MACROD2: variants seen among roughly 807,000 people sequenced by gnomAD.
The protein encoded by MACROD2 is ADP-ribose glycohydrolase MACROD2.
Under a neutral mutation model 70.4 loss-of-function variants are expected in MACROD2, and 36 were observed. That is an observed-to-expected ratio of 0.51 (90% CI 0.39 to 0.68). The LOEUF is 0.68. MACROD2 is among the 30% of genes least tolerant of loss of function. MACROD2 has a pLI of 0.00. For synonymous variants in MACROD2, 172 were observed against 178.8 expected (o/e 0.96, Z 0.30); for missense variants, 496 against 538.4 (o/e 0.92, Z 0.78).
chr20:15,447,670 G>A (rs899844555), intron 7 of MACROD2, among the ~76,000 whole-genome samples: 1 of 152,116 alleles, frequency 6.6e-6, no homozygotes, highest in African/African-American at 2.4e-5. Flanking sequence ...AACTGACCTT[G>A]ACCTTTTCTA....
At chr20:14,872,742 GTT>G (rs2073503118) in intron 5 of MACROD2, among the ~76,000 whole-genome samples, 1 of 152,082 alleles carries the variant, frequency 6.6e-6, no homozygotes, top group South Asian at 2.1e-4. Context: ...AAGTGACTTA[GTT>G]TGTTTTCACA....
chr20:14,690,158 C>A (rs543919762), intron 5 of MACROD2, among the ~76,000 whole-genome samples: 3 of 152,066 alleles, frequency 2.0e-5, no homozygotes, highest in African/African-American at 7.2e-5. Flanking sequence ...TATTTTATTT[C>A]TTTAGAATGC....
chr20:15,014,633 A>G (rs1467021205), intron 5 of MACROD2, among the ~76,000 whole-genome samples: 2 of 152,108 alleles, frequency 1.3e-5, no homozygotes, highest in Non-Finnish European at 2.9e-5. Flanking sequence ...TTCTGTACTG[A>G]ATCGCTAAAA....
intron 2 of MACROD2, among the ~76,000 whole-genome samples, chr20:14,069,529 C>A (rs2053811570): frequency 6.6e-6 from 1 of 151,170 alleles, no homozygotes; most frequent in Non-Finnish European, 1.5e-5. Context: ...TAGATTTCTG[C>A]AGTAGAGAAA....
At chr20:15,721,076 C>T (rs2050781041) in intron 8 of MACROD2, among the ~76,000 whole-genome samples, 1 of 152,076 alleles carries the variant, frequency 6.6e-6, no homozygotes, top group Admixed American at 6.6e-5. Flanking sequence ...AAACTTTTGG[C>T]TAATCTATGT....
intron 12 of MACROD2, among the ~76,000 whole-genome samples, chr20:15,960,805 C>G (rs1488074211): frequency 6.6e-6 from 1 of 152,128 alleles, no homozygotes; most frequent in Non-Finnish European, 1.5e-5. Context: ...TGTACTGGCA[C>G]CATCGGCTCC....
intron 7 of MACROD2, among the ~76,000 whole-genome samples, chr20:15,491,912 GC>G (rs1190393345): frequency 6.6e-6 from 1 of 152,228 alleles, no homozygotes; most frequent in African/African-American, 2.4e-5. Context: ...TTATGAATAT[GC>G]CATGTTATGT....
chr20:15,409,968 A>G (rs1476488689), intron 6 of MACROD2, among the ~76,000 whole-genome samples: 1 of 152,226 alleles, frequency 6.6e-6, no homozygotes, highest in South Asian at 2.1e-4. Flanking sequence ...AACCTGGGAT[A>G]TTAAACTGGC....
intron 3 of MACROD2, among the ~76,000 whole-genome samples, chr20:14,145,604 A>G (rs2054934121): frequency 6.6e-6 from 1 of 152,230 alleles, no homozygotes; most frequent in African/African-American, 2.4e-5. Context: ...CTTTAATAGC[A>G]TGAATCTCCA....
chr20:14,983,378 T>G (rs2074819326), intron 5 of MACROD2, among the ~76,000 whole-genome samples: 1 of 150,834 alleles, frequency 6.6e-6, no homozygotes, highest in African/African-American at 2.4e-5. Flanking sequence ...TTTTGAAATG[T>G]GAGGACATGA....
intron 5 of MACROD2, among the ~76,000 whole-genome samples, chr20:14,756,760 G>A (rs2071945798): frequency 6.6e-6 from 1 of 152,040 alleles, no homozygotes; most frequent in Non-Finnish European, 1.5e-5. Context: ...ATATGCTTTG[G>A]CTCTGTGTCC....
chr20:14,177,390 C>T (rs2081271543), intron 3 of MACROD2, among the ~76,000 whole-genome samples: 1 of 149,312 alleles, frequency 6.7e-6, no homozygotes, highest in African/African-American at 2.5e-5. Flanking sequence ...TATCTCGGCT[C>T]ACTGCTACCT....
At chr20:15,551,433 A>G (rs924415306) in intron 8 of MACROD2, among the ~76,000 whole-genome samples, 9 of 151,130 alleles carry the variant, frequency 6.0e-5, no homozygotes, top group African/African-American at 2.2e-4. Context: ...TTATTATTTT[A>G]CCATAACTTT....
chr20:15,041,478 C>T (rs1289797550), intron 5 of MACROD2, among the ~76,000 whole-genome samples: 1 of 152,070 alleles, frequency 6.6e-6, no homozygotes, highest in Non-Finnish European at 1.5e-5. Flanking sequence ...CAGGGTCTCA[C>T]TCTGTCACCC....
intron 5 of MACROD2, among the ~76,000 whole-genome samples, chr20:15,218,970 C>T (rs1357666572): frequency 2.0e-5 from 3 of 151,800 alleles, no homozygotes; most frequent in African/African-American, 4.8e-5. Flanking sequence ...GGCATGAACC[C>T]GGGAGGCGGA....
intron 5 of MACROD2, among the ~76,000 whole-genome samples, chr20:14,737,636 G>T (rs558226767): frequency 6.6e-6 from 1 of 152,068 alleles, no homozygotes; most frequent in African/African-American, 2.4e-5. Context: ...ACTGTTTAAT[G>T]ATCACCATTC....
chr20:14,822,224 G>T (rs2072853865), intron 5 of MACROD2, among the ~76,000 whole-genome samples: 1 of 152,024 alleles, frequency 6.6e-6, no homozygotes, highest in Admixed American at 6.6e-5. Flanking sequence ...TTTTTTAAAA[G>T]AATTATACCT....
chr20:14,859,922 C>A lies in MACROD2; in HGVS notation c.418+174963C>A, dbSNP rs547364919. 3.9e-5 allele frequency among the ~76,000 whole-genome samples: 6 copies of A among 152,216 alleles called. No individual in the cohort carries two copies. The East Asian group carries it at 1.2e-3, about 29-fold the overall frequency. On this transcript the variant is annotated intron_variant, in intron 5 of 17. Transcript: ENST00000684519. ...CTTTGGAGGTCACTCTGTCCAGCATCCTGATTTTTTAGATAAGGAGACATG... is the reference window on the plus strand; with the variant it reads ...CTTTGGAGGTCACTCTGTCCAGCATACTGATTTTTTAGATAAGGAGACATG...
At chr20:14,329,818 T>C (rs564555064) in intron 3 of MACROD2, among the ~76,000 whole-genome samples, 1 of 152,136 alleles carries the variant, frequency 6.6e-6, no homozygotes, top group East Asian at 1.9e-4. Context: ...TTTCTTTTGA[T>C]TTGCTTAGTG....
Sources: gnomAD v4.1 joint callset for allele counts (sites outside exome capture counted in the v4.1 genomes callset) on GRCh38, gnomAD v4.1.1 for gene constraint, MANE v1.5 for transcripts, NCBI Gene and HGNC (gene_info 2026-07-23, HGNC 2026-07-21) for gene names.